Variants in SIN3A observed in about 807,000 individuals in gnomAD.
The protein encoded by SIN3A is paired amphipathic helix protein Sin3a.
A neutral mutation model predicts 146.1 loss-of-function variants in SIN3A; 14 were observed. The observed-to-expected ratio is 0.10, with a 90% CI of 0.06 to 0.15. The LOEUF (loss-of-function observed/expected upper bound fraction) is 0.15, where lower values mean the gene tolerates loss of function less well. Among genes scored for constraint, SIN3A ranks in the 10% least tolerant of loss-of-function variants. The probability of loss-of-function intolerance (pLI) is 1.00; values close to 1 mark genes in which losing one functional copy is unlikely to be tolerated. For missense variants in SIN3A, 1,028 were observed against 1,576.0 expected (o/e 0.65, Z 5.89); for synonymous variants, 572 against 572.0 (o/e 1.00, Z 0.00).
At chr15:75,432,548 G>A (rs185816233) in intron 1 of SIN3A, among the ~76,000 whole-genome samples, 262 of 151,218 alleles carry the variant, frequency 1.7e-3, no homozygotes, top group South Asian at 5.2e-3. Context: ...TTAGCCAGGT[G>A]TGATGGCGCA....
intron 3 of SIN3A, chr15:75,419,464 T>C (rs2073803480): frequency 6.6e-6 from 1 of 152,092 alleles, no homozygotes; most frequent in Non-Finnish European, 1.5e-5. Context: ...ATGTGTGATA[T>C]GTATATGTCT....
Position 75,370,993 on chromosome 15 carries a change from A to AC in SIN3A, c.*985_*986insG. The AC allele has an allele frequency of 6.6e-6, 1 of 151,790 alleles. No individual in the cohort carries two copies. The highest frequency in any genetic ancestry group is 2.4e-5 in the African/African-American group (1 of 41,362). The allele number at this position is 151,790 out of a possible 1,614,324, so 9.4% of individuals were successfully genotyped here. On this transcript the variant is annotated 3_prime_UTR_variant, in exon 21 of 21. Coordinates refer to ENST00000394947, the MANE Select transcript of SIN3A (RefSeq NM_001145358.2). The stretch of plus-strand genomic sequence containing the variant: ...AAAAAAAAAAAAAAGTTGGGGGCAA[A>AC]GGGGAAGACAAGTTTTACACAAAAG...
chr15:75,413,194 C>G lies in SIN3A; in HGVS notation c.474-149G>C. On this transcript the variant is annotated intron_variant, in intron 4 of 20. Coordinates refer to ENST00000394947, the MANE Select transcript of SIN3A (RefSeq NM_001145358.2). ...ATGGTGCAATCTTGGGGTCTTGGCT[C>G]ACTGCAACCTCCACCTCCCGAGTTC... 3 of 671,796 alleles carry G rather than the reference C, an allele frequency of 4.5e-6. No individual in the cohort carries two copies. In the South Asian group the frequency reaches 7.0e-5, roughly 16 times the overall value. 41.6% of individuals were successfully genotyped at this position (671,796 alleles called of 1,614,324 possible).
intron 3 of SIN3A, among the ~76,000 whole-genome samples, chr15:75,418,719 T>C (rs1295198860): frequency 1.3e-5 from 2 of 152,288 alleles, no homozygotes; most frequent in South Asian, 2.1e-4. Context: ...TATTTTGTTA[T>C]AGCAGCACTA....
chr15:75,409,077 G>A (rs1436954452), intron 8 of SIN3A, among the ~76,000 whole-genome samples: 2 of 152,110 alleles, frequency 1.3e-5, no homozygotes, highest in African/African-American at 4.8e-5. Flanking sequence ...GGTGGCACAC[G>A]CCTGTAGTCC....
chr15:75,398,204 C>T (rs778249609), intron 12 of SIN3A, among the ~76,000 whole-genome samples: 22 of 152,312 alleles, frequency 1.4e-4, no homozygotes, highest in Non-Finnish European at 2.6e-4. Context: ...GGATACGTAT[C>T]ATTTTACATC....
intron 1 of SIN3A, among the ~76,000 whole-genome samples, chr15:75,444,212 C>T (rs1469843458): frequency 1.3e-5 from 2 of 152,192 alleles, no homozygotes; most frequent in East Asian, 1.9e-4. Context: ...TGCCTGTAAT[C>T]GCAGCACTTC....
At chr15:75,421,256 C>T (rs563327617) in intron 3 of SIN3A, 31 of 152,254 alleles carry the variant, frequency 2.0e-4, no homozygotes, top group African/African-American at 7.5e-4. Flanking sequence ...AGCAATAATA[C>T]ATTTTGGTAC....
intron 1 of SIN3A, among the ~76,000 whole-genome samples, chr15:75,437,699 C>A (rs1567415369): frequency 6.6e-6 from 1 of 152,126 alleles, no homozygotes; most frequent in Non-Finnish European, 1.5e-5. Context: ...AAAGTACTGT[C>A]AAGTCCCGCT....
intron 17 of SIN3A, among the ~76,000 whole-genome samples, chr15:75,383,473 G>A (rs2073015361): frequency 1.3e-5 from 2 of 151,446 alleles, no homozygotes; most frequent in South Asian, 4.2e-4. Context: ...ACCCAGGCTG[G>A]GGTGCAGTGA....
chr15:75,432,206 A>G (rs957756475), intron 1 of SIN3A, among the ~76,000 whole-genome samples: 1 of 152,224 alleles, frequency 6.6e-6, no homozygotes, highest in South Asian at 2.1e-4. Flanking sequence ...CCACTAATCA[A>G]CTACGAACAC....
At chr15:75,434,458 C>T (rs982687775) in intron 1 of SIN3A, among the ~76,000 whole-genome samples, 1 of 151,666 alleles carries the variant, frequency 6.6e-6, no homozygotes, top group African/African-American at 2.4e-5. Flanking sequence ...AAGACCAGAC[C>T]GGCCAACATG....
intron 20 of SIN3A, among the ~76,000 whole-genome samples, chr15:75,374,170 T>C (rs2072810490): frequency 6.6e-6 from 1 of 152,158 alleles, no homozygotes; most frequent in Non-Finnish European, 1.5e-5. Flanking sequence ...CCACATTTGA[T>C]CCAACACCAT....
At chr15:75,414,085 T>C (rs1004025700) in intron 4 of SIN3A, 120 bp downstream of exon 4, 1 of 441,516 alleles carries the variant, frequency 2.3e-6, no homozygotes, top group Non-Finnish European at 3.8e-6. Flanking sequence ...AAAGGCATGA[T>C]TTTGAAAATT....
intron 20 of SIN3A, 21 bp downstream of exon 20, chr15:75,375,644 A>T: frequency 1.2e-6 from 2 of 1,605,846 alleles, no homozygotes; most frequent in Non-Finnish European, 1.7e-6. Flanking sequence ...GTGTACAGAA[A>T]TTTCAGTTAC....
intron 1 of SIN3A, among the ~76,000 whole-genome samples, chr15:75,450,075 C>T (rs1445576220): frequency 1.3e-5 from 2 of 152,010 alleles, no homozygotes; most frequent in Admixed American, 6.6e-5. Context: ...CCACCGCGCC[C>T]GTCCAGGAAA....
chr15:75,393,942 G>C (rs1221410654), intron 14 of SIN3A, among the ~76,000 whole-genome samples: 1 of 152,006 alleles, frequency 6.6e-6, no homozygotes, highest in African/African-American at 2.4e-5. Flanking sequence ...CGAGTAGCTG[G>C]GACTACAGGT....
chr15:75,451,229 G>T (rs1032666549), intron 1 of SIN3A, 194 bp downstream of exon 1: 5 of 89,558 alleles, frequency 5.6e-5, no homozygotes, highest in African/African-American at 2.3e-4. Flanking sequence ...CCGGGACTAC[G>T]CTCTCCTCCC....
At chr15:75,383,773 T>C (rs1214774402) in intron 17 of SIN3A, among the ~76,000 whole-genome samples, 1 of 152,060 alleles carries the variant, frequency 6.6e-6, no homozygotes, top group Non-Finnish European at 1.5e-5. Flanking sequence ...AGGTGCACGC[T>C]ACCATGCCGG....
Sources: gnomAD v4.1 joint callset for allele counts (sites outside exome capture counted in the v4.1 genomes callset) on GRCh38, gnomAD v4.1.1 for gene constraint, MANE v1.5 for transcripts, NCBI Gene and HGNC (gene_info 2026-07-23, HGNC 2026-07-21) for gene names.